The following CAMTA1 variants were observed in gnomAD, a reference collection of about 807,000 sequenced individuals.
The protein encoded by CAMTA1 is calmodulin-binding transcription activator 1.
Under a neutral mutation model 170.9 loss-of-function variants are expected in CAMTA1, and 27 were observed. That is an observed-to-expected ratio of 0.16 (90% confidence interval 0.12 to 0.22). The LOEUF (loss-of-function observed/expected upper bound fraction) is 0.22. Among genes scored for constraint, CAMTA1 ranks in the 10% least tolerant of loss-of-function variants. The pLI is 1.00. For missense variants in CAMTA1, 1,619 were observed against 2,217.2 expected, an observed-to-expected ratio of 0.73 and a Z score of 5.42; for synonymous variants, 833 against 891.5, an observed-to-expected ratio of 0.93 and a Z score of 1.17.
At chr1:7,755,061 C>T (rs912126087) in intron 21 of CAMTA1, among the ~76,000 whole-genome samples, 2 of 152,088 alleles carry the variant, frequency 1.3e-5, no homozygotes, top group Middle Eastern at 3.2e-3. Context: ...TGCGGTGGCT[C>T]ACGCCTGTAA....
chr1:7,408,641 G>T (rs1456392358), intron 5 of CAMTA1, among the ~76,000 whole-genome samples: 1 of 152,226 alleles, frequency 6.6e-6, no homozygotes, highest in Non-Finnish European at 1.5e-5. Context: ...TTTGGTGATG[G>T]TGCCAGGTGG....
chr1:7,693,762 A>G (rs1174313422), intron 11 of CAMTA1: 1 of 152,210 alleles, frequency 6.6e-6, no homozygotes, highest in Non-Finnish European at 1.5e-5. Flanking sequence ...CAACCAGGGC[A>G]GCTCACCATA....
chr1:7,208,597 T>C (rs1432872650), intron 4 of CAMTA1, among the ~76,000 whole-genome samples: 1 of 152,200 alleles, frequency 6.6e-6, no homozygotes, highest in African/African-American at 2.4e-5. Flanking sequence ...TGTGCACCTC[T>C]GTGTTTTGCT....
At chr1:7,593,356 A>C (rs1362067583) in intron 6 of CAMTA1, among the ~76,000 whole-genome samples, 1 of 152,110 alleles carries the variant, frequency 6.6e-6, no homozygotes, top group Admixed American at 6.6e-5. Context: ...GAAGAAGTAG[A>C]TGATAAGCAA....
chr1:7,572,168 C>G (rs2095133538), intron 6 of CAMTA1, among the ~76,000 whole-genome samples: 1 of 152,122 alleles, frequency 6.6e-6, no homozygotes, highest in African/African-American at 2.4e-5. Context: ...GTCCTTTTGC[C>G]TATGTTTTAA....
At chr1:7,629,090 C>A (rs1197671337) in intron 6 of CAMTA1, among the ~76,000 whole-genome samples, 2 of 152,196 alleles carry the variant, frequency 1.3e-5, no homozygotes, top group African/African-American at 2.4e-5. Flanking sequence ...TGCAGCATTG[C>A]TAATAAATCA....
intron 5 of CAMTA1, among the ~76,000 whole-genome samples, chr1:7,302,126 C>T (rs1166260032): frequency 6.9e-6 from 1 of 145,682 alleles, no homozygotes; most frequent in Non-Finnish European, 1.5e-5. Context: ...ATGCATTTGT[C>T]AATACAGCAA....
At chr1:7,323,877 G>A (rs1378427659) in intron 5 of CAMTA1, among the ~76,000 whole-genome samples, 1 of 152,142 alleles carries the variant, frequency 6.6e-6, no homozygotes, top group Non-Finnish European at 1.5e-5. Flanking sequence ...TTGCCCTGTG[G>A]TCGTGCTTTG....
At chr1:6,939,500 TG>T (rs762826500) in intron 3 of CAMTA1, among the ~76,000 whole-genome samples, 3 of 152,234 alleles carry the variant, frequency 2.0e-5, no homozygotes, top group Non-Finnish European at 4.4e-5. Context: ...CCATGGGCTC[TG>T]GGCTCAGGAC....
intron 5 of CAMTA1, among the ~76,000 whole-genome samples, chr1:7,354,305 C>T (rs937375871): frequency 3.3e-5 from 5 of 152,106 alleles, no homozygotes; most frequent in African/African-American, 7.2e-5. Flanking sequence ...CCTGCCACCG[C>T]GCCCGGCTAA....
At position 7,242,758 on chromosome 1, in the gene CAMTA1, C is replaced by G. The variant is rs1471919650; in HGVS notation, c.303-6733C>G. ...CCTGGCTAACACAGTGAAACCCCGT[C>G]TCTACTGAAAATAAAATAAATAAAT... On this transcript the variant is annotated intron_variant, in intron 4 of 22. Transcript: ENST00000303635. Among the ~76,000 whole-genome samples, 3 of 145,372 alleles carry G rather than the reference C, an allele frequency of 2.1e-5. No individual in the cohort carries two copies. In the East Asian group the frequency reaches 6.0e-4, roughly 29 times the overall value.
At chr1:7,345,913 T>C (rs1448233559) in intron 5 of CAMTA1, among the ~76,000 whole-genome samples, 3 of 152,182 alleles carry the variant, frequency 2.0e-5, no homozygotes, top group African/African-American at 7.2e-5. Flanking sequence ...CTCTGAGAAA[T>C]GTCAGGACTG....
At chr1:6,991,866 T>A (rs1696431588) in intron 3 of CAMTA1, among the ~76,000 whole-genome samples, 1 of 151,650 alleles carries the variant, frequency 6.6e-6, no homozygotes, top group South Asian at 2.1e-4. Context: ...ACCTGGCTAT[T>A]TTTTTTTGTA....
At chr1:6,978,125 TTATAA>T (rs1002134238) in intron 3 of CAMTA1, among the ~76,000 whole-genome samples, 27 of 152,176 alleles carry the variant, frequency 1.8e-4, no homozygotes, top group Admixed American at 5.2e-4. Context: ...AAAAAAATAG[TTATAA>T]TAGAATGAAT....
At chr1:7,265,140 G>GTGCCACCCA (rs1199146659) in intron 5 of CAMTA1, among the ~76,000 whole-genome samples, 31 of 152,268 alleles carry the variant, frequency 2.0e-4, no homozygotes, top group Admixed American at 1.9e-3. Context: ...CTCAGGGTCA[G>GTGCCACCCA]CTCCTGAGCA....
At chr1:7,412,231 G>A (rs1350501815) in intron 5 of CAMTA1, among the ~76,000 whole-genome samples, 1 of 152,120 alleles carries the variant, frequency 6.6e-6, no homozygotes, top group Non-Finnish European at 1.5e-5. Context: ...GTGTGCGTGT[G>A]TCTTTATAGC....
intron 3 of CAMTA1, among the ~76,000 whole-genome samples, chr1:7,068,492 G>A (rs557613160): frequency 2.7e-4 from 41 of 152,254 alleles, no homozygotes; most frequent in Non-Finnish European, 4.6e-4. Context: ...AGGACGGCCT[G>A]ATCAAGGCAT....
At chr1:7,448,716 G>T (rs926235121) in intron 5 of CAMTA1, among the ~76,000 whole-genome samples, 6 of 152,152 alleles carry the variant, frequency 3.9e-5, no homozygotes, top group African/African-American at 1.4e-4. Context: ...AGAGGCAGGG[G>T]TCTCCCTCCA....
chr1:6,870,533 A>G (rs1184756059), intron 3 of CAMTA1, among the ~76,000 whole-genome samples: 1 of 152,204 alleles, frequency 6.6e-6, no homozygotes, highest in Non-Finnish European at 1.5e-5. Context: ...TTCTTTTAAT[A>G]AAATCCTTTT....
Sources: gnomAD v4.1 joint callset for allele counts (sites outside exome capture counted in the v4.1 genomes callset) on GRCh38, gnomAD v4.1.1 for gene constraint, MANE v1.5 for transcripts, NCBI Gene and HGNC (gene_info 2026-07-23, HGNC 2026-07-21) for gene names.